The following DOCK1 variants were observed in gnomAD, a reference collection of about 807,000 sequenced individuals.
DOCK1 encodes dedicator of cytokinesis protein 1.
A neutral mutation model predicts 262.7 loss-of-function variants in DOCK1; 138 were observed. The observed-to-expected ratio is 0.53, with a 90% CI of 0.46 to 0.61. The LOEUF (loss-of-function observed/expected upper bound fraction) is 0.61. Among genes scored for constraint, DOCK1 ranks in the 20% least tolerant of loss-of-function variants. DOCK1 has a pLI of 0.00. For missense variants in DOCK1, 1,908 were observed against 2,370.7 expected, an observed-to-expected ratio of 0.80 and a Z score of 4.05; for synonymous variants, 866 against 867.4, an observed-to-expected ratio of 1.00 and a Z score of 0.03.
At chr10:127,312,829 C>T (rs2062114456) in intron 29 of DOCK1, among the ~76,000 whole-genome samples, 1 of 146,988 alleles carries the variant, frequency 6.8e-6, no homozygotes, top group Non-Finnish European at 1.5e-5. Context: ...TTCCCTCCTT[C>T]TCTCCCTCCC....
intron 23 of DOCK1, among the ~76,000 whole-genome samples, chr10:127,078,538 A>G (rs2046704982): frequency 6.6e-6 from 1 of 151,982 alleles, no homozygotes; most frequent in Non-Finnish European, 1.5e-5. Context: ...CATTCTGTGT[A>G]TGCGCAATGT....
chr10:127,411,134 A>T (rs2134393683), intron 43 of DOCK1, among the ~76,000 whole-genome samples: 1 of 152,304 alleles, frequency 6.6e-6, no homozygotes, highest in Admixed American at 6.5e-5. Flanking sequence ...AAGGTCACTG[A>T]GATATTTAAT....
At chr10:127,121,898 G>C (rs1352384300) in intron 25 of DOCK1, among the ~76,000 whole-genome samples, 3 of 152,210 alleles carry the variant, frequency 2.0e-5, no homozygotes, top group Non-Finnish European at 4.4e-5. Context: ...GTAATTGCAA[G>C]TTAATCCAAG....
intron 31 of DOCK1, among the ~76,000 whole-genome samples, chr10:127,351,287 A>G (rs138587020): frequency 6.1e-4 from 93 of 151,488 alleles, no homozygotes; most frequent in Non-Finnish European, 1.2e-3. Context: ...GAGCACGGTG[A>G]CCCCAGCTCT....
At chr10:127,099,630 G>A (rs1348665571) in intron 23 of DOCK1, among the ~76,000 whole-genome samples, 3 of 152,046 alleles carry the variant, frequency 2.0e-5, no homozygotes, top group Non-Finnish European at 4.4e-5. Context: ...GTCTTAAACC[G>A]CCAGCTCTCA....
At chr10:127,444,362 T>A in intron 50 of DOCK1, 83 bp downstream of exon 50, 1 of 1,450,176 alleles carries the variant, frequency 6.9e-7, no homozygotes, top group Non-Finnish European at 9.2e-7. Flanking sequence ...TAGAAGCGCT[T>A]CCTCCCTCCC....
intron 1 of DOCK1, among the ~76,000 whole-genome samples, chr10:126,913,703 A>G (rs901886725): frequency 6.6e-6 from 1 of 152,222 alleles, no homozygotes; most frequent in Admixed American, 6.5e-5. Flanking sequence ...CCTGTCTTCA[A>G]AAGGCAGATG....
chr10:127,422,193 A>T (rs1590990152), intron 46 of DOCK1, among the ~76,000 whole-genome samples: 4 of 90,612 alleles, frequency 4.4e-5, no homozygotes, highest in Middle Eastern at 0.015. Flanking sequence ...TTTGAGATGG[A>T]GTCTCGCTCT....
intron 22 of DOCK1, among the ~76,000 whole-genome samples, chr10:127,054,522 T>C (rs2045000151): frequency 6.6e-6 from 1 of 152,238 alleles, no homozygotes; most frequent in Admixed American, 6.5e-5. Flanking sequence ...TTGTGATTTA[T>C]TTTCTCTTTG....
intron 12 of DOCK1, among the ~76,000 whole-genome samples, chr10:127,015,539 C>G (rs1690843260): frequency 1.3e-5 from 2 of 151,946 alleles, no homozygotes; most frequent in Admixed American, 1.3e-4. Flanking sequence ...TCAGGCAGCT[C>G]TGCCTGGAGC....
At chr10:126,913,028 C>T (rs1379619454) in intron 1 of DOCK1, among the ~76,000 whole-genome samples, 2 of 150,138 alleles carry the variant, frequency 1.3e-5, no homozygotes, top group East Asian at 3.9e-4. Context: ...GTCCCTGGTG[C>T]TACTGGACTC....
intron 13 of DOCK1, among the ~76,000 whole-genome samples, chr10:127,019,732 G>A (rs1015110062): frequency 6.6e-6 from 1 of 152,208 alleles, no homozygotes; most frequent in African/African-American, 2.4e-5. Context: ...CTGGGCGACA[G>A]ATTGAGACCC....
At chr10:127,119,493 T>G (rs1013293805) in intron 25 of DOCK1, among the ~76,000 whole-genome samples, 3 of 152,212 alleles carry the variant, frequency 2.0e-5, no homozygotes, top group African/African-American at 4.8e-5. Context: ...CACCGTCTTC[T>G]GTATTTCTGT....
intron 33 of DOCK1, among the ~76,000 whole-genome samples, chr10:127,370,833 A>G (rs1434261406): frequency 2.0e-5 from 3 of 152,252 alleles, no homozygotes; most frequent in Non-Finnish European, 4.4e-5. Context: ...GGCTGCTGGT[A>G]TCAGACACTG....
intron 1 of DOCK1, 119 bp downstream of exon 1, chr10:126,905,682 C>T (rs1202723613): frequency 6.8e-6 from 1 of 147,988 alleles, no homozygotes; most frequent in Admixed American, 6.7e-5. Context: ...GAGGCGCTTC[C>T]GCCCGCGCCC....
intron 1 of DOCK1, among the ~76,000 whole-genome samples, chr10:126,951,443 G>T (rs1025487880): frequency 5.9e-5 from 9 of 151,658 alleles, no homozygotes; most frequent in African/African-American, 1.9e-4. Flanking sequence ...ATTGTTGGTA[G>T]TGTTGGTAGT....
intron 51 of DOCK1, among the ~76,000 whole-genome samples, chr10:127,448,804 T>C (rs2070764335): frequency 1.0e-5 from 1 of 99,726 alleles, no homozygotes; most frequent in Non-Finnish European, 2.0e-5. Context: ...GAGACATGGT[T>C]TTTTTTTTTA....
intron 38 of DOCK1, among the ~76,000 whole-genome samples, chr10:127,387,274 G>T (rs1322378872): frequency 6.6e-6 from 1 of 152,178 alleles, no homozygotes. Flanking sequence ...AGCCCTCTCT[G>T]CCACTGCCCA....
intron 29 of DOCK1, among the ~76,000 whole-genome samples, chr10:127,285,467 A>T (rs2061115697): frequency 6.6e-6 from 1 of 152,214 alleles, no homozygotes; most frequent in Non-Finnish European, 1.5e-5. Flanking sequence ...TTTCATGTAG[A>T]ACTTTCTGGC....
Sources: allele counts gnomAD v4.1 joint callset (sites outside exome capture counted in the v4.1 genomes callset), GRCh38; gene constraint gnomAD v4.1.1; transcripts MANE v1.5; gene names NCBI Gene and HGNC (gene_info 2026-07-23, HGNC 2026-07-21).